Variants in GPHN observed in about 807,000 individuals in gnomAD.
GPHN encodes the protein gephyrin.
In GPHN, 17 loss-of-function variants were observed where a neutral mutation model predicts 95.5. That is an observed-to-expected ratio of 0.18 (90% CI 0.12 to 0.27). GPHN has a LOEUF of 0.27. Among genes scored for constraint, GPHN ranks in the 10% least tolerant of loss-of-function variants. GPHN has a pLI of 1.00. For missense variants in GPHN, 660 were observed against 978.1 expected (o/e 0.67, Z 4.34); for synonymous variants, 320 against 322.5 (o/e 0.99, Z 0.08).
chr14:66,758,150 G>A (rs2058632966), intron 2 of GPHN, among the ~76,000 whole-genome samples: 1 of 152,228 alleles, frequency 6.6e-6, no homozygotes, highest in South Asian at 2.1e-4. Context: ...TATATATAAA[G>A]TAGGTGAAGG....
At chr14:66,640,020 G>A (rs748895595) in intron 1 of GPHN, among the ~76,000 whole-genome samples, 1 of 152,150 alleles carries the variant, frequency 6.6e-6, no homozygotes, top group Non-Finnish European at 1.5e-5. Flanking sequence ...ATAGACTGGA[G>A]TAAAGGCATT....
At chr14:66,657,114 A>G (rs768023725) in intron 1 of GPHN, among the ~76,000 whole-genome samples, 6 of 152,248 alleles carry the variant, frequency 3.9e-5, no homozygotes, top group Non-Finnish European at 7.3e-5. Context: ...ATAAGAAAGT[A>G]AAACAGCTTA....
chr14:66,871,672 G>A (rs950334035), intron 4 of GPHN, among the ~76,000 whole-genome samples: 2 of 151,940 alleles, frequency 1.3e-5, no homozygotes, highest in Non-Finnish European at 2.9e-5. Context: ...ACTAACACAG[G>A]AACAGAAAAT....
intron 1 of GPHN, among the ~76,000 whole-genome samples, chr14:66,618,200 C>T (rs557578221): frequency 6.6e-6 from 1 of 152,128 alleles, no homozygotes; most frequent in African/African-American, 2.4e-5. Flanking sequence ...AGGATGATAG[C>T]CTTCAGTACT....
chr14:67,100,976 T>A, intron 13 of GPHN, 65 bp downstream of exon 13: 1 of 932,760 alleles, frequency 1.1e-6, no homozygotes, highest in Non-Finnish European at 1.8e-6. Context: ...CATCTAATTC[T>A]AAATTTCTCC....
intron 1 of GPHN, among the ~76,000 whole-genome samples, chr14:66,587,355 T>C (rs1276258275): frequency 6.6e-6 from 1 of 152,086 alleles, no homozygotes; most frequent in Admixed American, 6.6e-5. Flanking sequence ...AATTGAGGAG[T>C]AGATAAATCT....
chr14:66,531,876 G>C (rs1210909797), intron 1 of GPHN, among the ~76,000 whole-genome samples: 6 of 152,124 alleles, frequency 3.9e-5, no homozygotes, highest in Non-Finnish European at 8.8e-5. Flanking sequence ...TAAAAGACTA[G>C]ATAGTGAATT....
At chr14:66,669,794 CTTGA>C (rs1469969876) in intron 1 of GPHN, among the ~76,000 whole-genome samples, 2 of 152,140 alleles carry the variant, frequency 1.3e-5, no homozygotes, top group Non-Finnish European at 2.9e-5. Flanking sequence ...TCTTCTACTT[CTTGA>C]TTAAGATTCT....
intron 12 of GPHN, among the ~76,000 whole-genome samples, chr14:67,092,519 G>C (rs761921316): frequency 3.9e-5 from 6 of 152,068 alleles, no homozygotes. Flanking sequence ...TTGCTAACTT[G>C]CTCTGGATCA....
chr14:67,571,442 G>A, the GPHN span: 1 of 289,644 alleles, frequency 3.5e-6, no homozygotes, highest in African/African-American at 2.1e-5. Flanking sequence ...GGCACACTTA[G>A]TCTGTGGTGT....
At chr14:66,702,126 G>C (rs1178065381) in intron 2 of GPHN, among the ~76,000 whole-genome samples, 2 of 152,186 alleles carry the variant, frequency 1.3e-5, no homozygotes. Context: ...CAGAGGCTCA[G>C]GGACAGAACC....
rs184165441 is a variant in GPHN, at chr14:66,758,577, T to A, written c.144-17887T>A. ...AAACTGGGTTATTAGAAGACATGTA[T>A]CAAAATGAAAAAAGGGGGTAAGGAC... is the stretch of plus-strand genomic sequence containing the variant. On this transcript the variant is annotated intron_variant, in intron 2 of 22. Coordinates refer to ENST00000478722, the MANE Select transcript of GPHN (RefSeq NM_020806.5). Among the ~76,000 whole-genome samples the A allele has an allele frequency of 3.3e-5, 5 of 152,018 alleles. No individual in the cohort carries two copies. In the East Asian group the frequency reaches 7.7e-4, roughly 24 times the overall value.
chr14:67,280,529 T>A, the GPHN span, among the ~76,000 whole-genome samples: 2 of 152,316 alleles, frequency 1.3e-5, no homozygotes, highest in East Asian at 3.9e-4. Flanking sequence ...GTAATCTCCA[T>A]TTTGGAGATA....
chr14:67,484,447 A>G, the GPHN span, among the ~76,000 whole-genome samples: 2 of 152,208 alleles, frequency 1.3e-5, no homozygotes, highest in Admixed American at 6.5e-5. Flanking sequence ...CTAGCATTTA[A>G]TTTTTTTTCT....
intron 1 of GPHN, among the ~76,000 whole-genome samples, chr14:66,566,968 G>T (rs1310004537): frequency 6.6e-6 from 1 of 152,152 alleles, no homozygotes. Context: ...GGCAGGTTAG[G>T]TTGTCTTTAA....
chr14:67,648,086 A>C, the GPHN span: 1 of 1,613,834 alleles, frequency 6.2e-7, no homozygotes. Flanking sequence ...ATATTGATGC[A>C]TTTGACCCTA....
At chr14:66,869,993 G>A (rs943263731) in intron 4 of GPHN, among the ~76,000 whole-genome samples, 4 of 152,032 alleles carry the variant, frequency 2.6e-5, no homozygotes, top group Non-Finnish European at 4.4e-5. Context: ...GTTGGGCTCC[G>A]AACTAGATGC....
chr14:67,495,503 A>G, the GPHN span, among the ~76,000 whole-genome samples: 1 of 148,624 alleles, frequency 6.7e-6, no homozygotes, highest in Non-Finnish European at 1.5e-5. Flanking sequence ...TTTTTTTCAG[A>G]TGGAGTTTCA....
Position 66,781,243 on chromosome 14 carries a change from C to T in GPHN, c.201+4722C>T, listed in dbSNP as rs1453214967. ...TCTTTCTTTTTTTTTTTTTTTGATA[C>T]GGAGTCTCTGTCGCCCGGGCTTGAG... On this transcript the variant is annotated intron_variant, in intron 3 of 22. Coordinates refer to ENST00000478722, the MANE Select transcript of GPHN (RefSeq NM_020806.5). 4.8e-5 allele frequency among the ~76,000 whole-genome samples: 7 copies of T among 146,274 alleles called. 1 individual carries two copies. The highest frequency in any genetic ancestry group is 1.5e-4 in the African/African-American group (6 of 39,438).
Sources: gnomAD v4.1 joint callset for allele counts (sites outside exome capture counted in the v4.1 genomes callset) on GRCh38, gnomAD v4.1.1 for gene constraint, MANE v1.5 for transcripts, NCBI Gene and HGNC (gene_info 2026-07-23, HGNC 2026-07-21) for gene names.